Variants in TPD52L1 observed in about 807,000 individuals in gnomAD.
The protein encoded by TPD52L1 is TPD52 like 1.
In TPD52L1, 18 loss-of-function variants were observed where a neutral mutation model predicts 28.7. That is an observed-to-expected ratio of 0.63 (90% CI 0.43 to 0.93). The LOEUF (loss-of-function observed/expected upper bound fraction) is 0.93. Ranked by LOEUF, TPD52L1 falls within the 40% of genes least tolerant of loss-of-function variation. TPD52L1 has a pLI of 0.00. For synonymous variants in TPD52L1, 75 were observed against 88.8 expected (o/e 0.84, Z 0.88); for missense variants, 203 against 254.8 (o/e 0.80, Z 1.39).
At chr6:125,245,382 A>T (rs1307911856) in intron 3 of TPD52L1, among the ~76,000 whole-genome samples, 1 of 152,196 alleles carries the variant, frequency 6.6e-6, no homozygotes, top group Non-Finnish European at 1.5e-5. Flanking sequence ...CACCAGCTGC[A>T]GTAGTAACAG....
chr6:125,211,305 A>ATCTG (rs1415427783), intron 1 of TPD52L1, among the ~76,000 whole-genome samples: 2 of 147,034 alleles, frequency 1.4e-5, no homozygotes, highest in African/African-American at 5.2e-5. Flanking sequence ...CTATCTATCT[A>ATCTG]TCGTGTAACA....
chr6:125,158,922 A>G (rs942803415), intron 1 of TPD52L1, among the ~76,000 whole-genome samples: 11 of 152,244 alleles, frequency 7.2e-5, no homozygotes, highest in African/African-American at 2.2e-4. Flanking sequence ...GCTATCTAAG[A>G]AAAGGTACAT....
intron 1 of TPD52L1, among the ~76,000 whole-genome samples, chr6:125,206,785 G>C (rs772195848): frequency 2.0e-5 from 3 of 152,170 alleles, no homozygotes; most frequent in African/African-American, 7.2e-5. Flanking sequence ...AATATTCAGT[G>C]TTGTGTAGAT....
intron 1 of TPD52L1, among the ~76,000 whole-genome samples, chr6:125,209,830 C>T (rs1451641665): frequency 6.6e-6 from 1 of 152,138 alleles, no homozygotes; most frequent in Non-Finnish European, 1.5e-5. Flanking sequence ...AAAAACTGTA[C>T]AGAAGACAAA....
At chr6:125,237,323 C>G (rs976041492) in intron 3 of TPD52L1, among the ~76,000 whole-genome samples, 6 of 152,054 alleles carry the variant, frequency 3.9e-5, no homozygotes, top group African/African-American at 1.4e-4. Flanking sequence ...GCAAGAGCCC[C>G]GGTGAGTGAT....
chr6:125,204,643 G>C (rs1480086443), intron 1 of TPD52L1, among the ~76,000 whole-genome samples: 4 of 151,922 alleles, frequency 2.6e-5, no homozygotes, highest in Admixed American at 6.6e-5. Context: ...TCACGCCCGG[G>C]TAACTTTTTG....
intron 3 of TPD52L1, among the ~76,000 whole-genome samples, chr6:125,239,026 T>C (rs559581330): frequency 4.8e-4 from 73 of 152,368 alleles, no homozygotes; most frequent in African/African-American, 1.5e-3. Flanking sequence ...ATAGTAGTTA[T>C]GCTTCTAGTT....
intron 2 of TPD52L1, among the ~76,000 whole-genome samples, chr6:125,226,084 G>A (rs897668638): frequency 1.1e-4 from 17 of 152,270 alleles, no homozygotes; most frequent in Non-Finnish European, 1.0e-4. Flanking sequence ...AACCTTACAC[G>A]TTAATGTAAT....
intron 3 of TPD52L1, among the ~76,000 whole-genome samples, chr6:125,244,096 T>C (rs1376048542): frequency 2.6e-5 from 4 of 152,196 alleles, no homozygotes; most frequent in African/African-American, 9.7e-5. Context: ...AAAGTTTTTT[T>C]GTGTGCTGGC....
At chr6:125,203,653 T>C (rs1276992644) in intron 1 of TPD52L1, 2 of 985,336 alleles carry the variant, frequency 2.0e-6, no homozygotes, top group African/African-American at 1.7e-5. Context: ...GGTGTGTGCA[T>C]AAGGCCACAT....
intron 1 of TPD52L1, among the ~76,000 whole-genome samples, chr6:125,155,792 G>A (rs1478463117): frequency 6.6e-6 from 1 of 152,184 alleles, no homozygotes. Flanking sequence ...TTCGTGCTTT[G>A]CATGTATTGA....
chr6:125,161,966 A>G (rs1009069539), intron 1 of TPD52L1, among the ~76,000 whole-genome samples: 2 of 152,222 alleles, frequency 1.3e-5, no homozygotes, highest in African/African-American at 4.8e-5. Context: ...AGTGAAGTGC[A>G]GTGAGGTATG....
intron 1 of TPD52L1, 39 bp downstream of exon 1, chr6:125,154,009 G>A: frequency 6.3e-7 from 1 of 1,590,260 alleles, no homozygotes; most frequent in Non-Finnish European, 8.6e-7. Flanking sequence ...CAGGTCCTGG[G>A]GCGCGCATAA....
chr6:125,165,848 A>G (rs1790866129), intron 1 of TPD52L1, among the ~76,000 whole-genome samples: 1 of 152,152 alleles, frequency 6.6e-6, no homozygotes, highest in Admixed American at 6.5e-5. Context: ...GAGTTTTATC[A>G]CCAGCTGCTA....
At chr6:125,244,728 G>A (rs1333593107) in intron 3 of TPD52L1, among the ~76,000 whole-genome samples, 1 of 152,124 alleles carries the variant, frequency 6.6e-6, no homozygotes. Context: ...AGTGCCAGGG[G>A]AAACAAGGAC....
intron 1 of TPD52L1, among the ~76,000 whole-genome samples, chr6:125,173,684 A>T (rs1040833674): frequency 2.6e-5 from 4 of 152,214 alleles, no homozygotes; most frequent in African/African-American, 9.6e-5. Flanking sequence ...ATATACAAAT[A>T]CATGTATTAA....
At chr6:125,214,288 T>C (rs755846788) in intron 1 of TPD52L1, among the ~76,000 whole-genome samples, 2 of 151,988 alleles carry the variant, frequency 1.3e-5, no homozygotes, top group Non-Finnish European at 2.9e-5. Context: ...TCTGAAGGAG[T>C]GAACAGAATC....
chr6:125,215,780 A>G (rs1236581902), intron 1 of TPD52L1, among the ~76,000 whole-genome samples: 5 of 140,286 alleles, frequency 3.6e-5, no homozygotes, highest in African/African-American at 1.2e-4. Flanking sequence ...CCAGTTAAAC[A>G]GGGTTTTGAA....
intron 6 of TPD52L1, among the ~76,000 whole-genome samples, chr6:125,258,047 A>G (rs369665389): frequency 6.6e-5 from 10 of 152,222 alleles, no homozygotes; most frequent in African/African-American, 2.4e-4. Context: ...TGAATCCTGT[A>G]TCTTCACGCT....
Sources: gnomAD v4.1 joint callset for allele counts (sites outside exome capture counted in the v4.1 genomes callset) on GRCh38, gnomAD v4.1.1 for gene constraint, MANE v1.5 for transcripts, NCBI Gene and HGNC (gene_info 2026-07-23, HGNC 2026-07-21) for gene names.